PTPN22: variants seen among roughly 807,000 people sequenced by gnomAD.
PTPN22 encodes the protein tyrosine-protein phosphatase non-receptor type 22.
A neutral mutation model predicts 103.3 loss-of-function variants in PTPN22; 85 were observed. The ratio of observed to expected loss-of-function variants is 0.82; its 90% CI spans 0.69 to 0.99. PTPN22 has a LOEUF of 0.99. Ranked by LOEUF, PTPN22 falls within the 50% of genes least tolerant of loss-of-function variation. PTPN22 has a pLI of 0.00. For synonymous variants in PTPN22, 323 were observed against 310.2 expected (o/e 1.04, Z -0.43); for missense variants, 865 against 936.9 (o/e 0.92, Z 1.00).
intron 3 of PTPN22, 138 bp downstream of exon 3, chr1:113,858,864 C>A: frequency 1.4e-6 from 2 of 1,400,632 alleles, no homozygotes; most frequent in Non-Finnish European, 1.9e-6. Context: ...GTCTGAAATT[C>A]TTGCGTTCAA....
chr1:113,833,254 T>A (rs1287142055), intron 15 of PTPN22, 116 bp from the exon 16 acceptor site: 1 of 699,398 alleles, frequency 1.4e-6, no homozygotes, highest in African/African-American at 1.8e-5. Flanking sequence ...GAGATAATTA[T>A]GAAATGTAGA....
chr1:113,836,299 G>A (rs1223573369), intron 13 of PTPN22, among the ~76,000 whole-genome samples: 1 of 151,958 alleles, frequency 6.6e-6, no homozygotes, highest in Non-Finnish European at 1.5e-5. Context: ...ATCTCTAACA[G>A]GGTGCTCATT....
Position 113,857,782 on chromosome 1 carries a change from G to C in PTPN22, c.370-6C>G, listed in dbSNP as rs759630104. 8 of 1,606,746 alleles carry C rather than the reference G, an allele frequency of 5.0e-6. No individual in the cohort carries two copies. The South Asian group carries it at 8.9e-5, about 18-fold the overall frequency. On this transcript the variant is annotated splice_polypyrimidine_tract_variant and splice_region_variant and intron_variant, in intron 4 of 20. Coordinates refer to ENST00000359785, the Ensembl canonical transcript of PTPN22. ...ATGCATGCCATAACAATGATCTGGG[G>C]GATGAAATAGATAGAAACTTAAACA...
chr1:113,866,911 C>G (rs1361145368), intron 1 of PTPN22, among the ~76,000 whole-genome samples: 2 of 152,054 alleles, frequency 1.3e-5, no homozygotes, highest in Non-Finnish European at 2.9e-5. Context: ...CCACTTCTGG[C>G]TAATTTTTTA....
intron 13 of PTPN22, among the ~76,000 whole-genome samples, chr1:113,835,442 C>T (rs1257977590): frequency 6.6e-6 from 1 of 152,016 alleles, no homozygotes; most frequent in Non-Finnish European, 1.5e-5. Context: ...GGCGTGAACC[C>T]GGAAGGCAGA....
intron 13 of PTPN22, 59 bp downstream of exon 13, chr1:113,837,531 T>C: frequency 8.1e-7 from 1 of 1,233,232 alleles, no homozygotes; most frequent in Non-Finnish European, 1.1e-6. Context: ...AGAAACCAAC[T>C]ATTCTATAGA....
intron 9 of PTPN22, among the ~76,000 whole-genome samples, chr1:113,853,900 C>A (rs1664819136): frequency 8.6e-6 from 1 of 116,932 alleles, no homozygotes; most frequent in Admixed American, 1.1e-4. Flanking sequence ...GAGTCTCGCT[C>A]TGTCACCTAA....
exon 8 of PTPN22, chr1:113,855,035 G>C: frequency 6.2e-7 from 1 of 1,609,718 alleles, no homozygotes; most frequent in Non-Finnish European, 8.5e-7. Context: ...GAAACTGGTA[G>C]ATAGTTCGAG....
chr1:113,835,954 C>T (rs1416243526), intron 13 of PTPN22, among the ~76,000 whole-genome samples: 2 of 151,064 alleles, frequency 1.3e-5, no homozygotes, highest in Non-Finnish European at 2.9e-5. Context: ...TTTTTTGAGA[C>T]GGAGTCTCGC....
At chr1:113,859,384 A>C in exon 2 of PTPN22, 2 of 1,613,602 alleles carry the variant, frequency 1.2e-6, no homozygotes, top group Non-Finnish European at 1.7e-6. Context: ...GTTTTTCTTG[A>C]TATTCTTGGG....
intron 20 of PTPN22, among the ~76,000 whole-genome samples, chr1:113,816,483 A>C (rs1262468435): frequency 6.6e-6 from 1 of 151,636 alleles, no homozygotes. Context: ...GGCACATAGT[A>C]AGTACTCAAA....
intron 1 of PTPN22, among the ~76,000 whole-genome samples, chr1:113,866,844 G>A (rs1666163863): frequency 6.6e-6 from 1 of 152,046 alleles, no homozygotes; most frequent in African/African-American, 2.4e-5. Flanking sequence ...ACCCCCTGGG[G>A]TCAAGTGATC....
intron 11 of PTPN22, among the ~76,000 whole-genome samples, chr1:113,847,892 G>A (rs1450804484): frequency 6.6e-6 from 1 of 151,516 alleles, no homozygotes; most frequent in Non-Finnish European, 1.5e-5. Flanking sequence ...GTGAACCACT[G>A]CACCCGGCCA....
intron 16 of PTPN22, among the ~76,000 whole-genome samples, chr1:113,830,914 G>T (rs748217539): frequency 1.1e-4 from 16 of 152,228 alleles, no homozygotes; most frequent in Non-Finnish European, 1.6e-4. Flanking sequence ...TTAGTCCTTA[G>T]AATTTGTCTT....
chr1:113,852,632 C>T (rs1314265933), intron 9 of PTPN22, among the ~76,000 whole-genome samples: 1 of 152,170 alleles, frequency 6.6e-6, no homozygotes, highest in East Asian at 1.9e-4. Context: ...GCTTGCTGGG[C>T]CCCCATCTCT....
At chr1:113,846,342 T>C (rs916177233) in intron 11 of PTPN22, among the ~76,000 whole-genome samples, 4 of 152,170 alleles carry the variant, frequency 2.6e-5, no homozygotes, top group Admixed American at 6.5e-5. Context: ...TACAGATATA[T>C]GGTATCACAC....
At chr1:113,857,586 C>T in intron 5 of PTPN22, 152 bp downstream of exon 5, 1 of 626,488 alleles carries the variant, frequency 1.6e-6, no homozygotes, top group South Asian at 2.4e-5. Context: ...AAAAAAAATC[C>T]TCTGAGAATC....
intron 10 of PTPN22, among the ~76,000 whole-genome samples, chr1:113,850,998 G>A (rs1664522105): frequency 1.3e-5 from 2 of 152,182 alleles, no homozygotes; most frequent in African/African-American, 4.8e-5. Context: ...AAAACTATTG[G>A]GTAAAACTAT....
rs1157097544 is a variant in PTPN22, at chr1:113,859,472, T to C, written c.88-12A>G. 1 of 1,590,430 alleles carries C rather than the reference T, an allele frequency of 6.3e-7. No homozygotes were observed. On this transcript the variant is annotated splice_polypyrimidine_tract_variant and intron_variant, in intron 1 of 20. Coordinates refer to ENST00000359785, the Ensembl canonical transcript of PTPN22. ...TGCCTTTTCAGCTTCTGTAATAAGA[T>C]TCCAAGAAAAATTAATCTTCCTAGA...
Sources: allele counts gnomAD v4.1 joint callset (sites outside exome capture counted in the v4.1 genomes callset), GRCh38; gene constraint gnomAD v4.1.1; transcripts MANE v1.5; gene names NCBI Gene and HGNC (gene_info 2026-07-23, HGNC 2026-07-21).